Variants in ANO4 observed in about 807,000 individuals in gnomAD.
ANO4 encodes the protein anoctamin-4.
In ANO4, 69 loss-of-function variants were observed where a neutral mutation model predicts 141.9. The observed-to-expected ratio is 0.49, with a 90% CI of 0.40 to 0.59. The LOEUF (loss-of-function observed/expected upper bound fraction) is 0.59, where lower values mean the gene tolerates loss of function less well. Ranked by LOEUF, ANO4 falls within the 20% of genes least tolerant of loss-of-function variation. The probability of loss-of-function intolerance (pLI) is 0.00; values close to 1 mark genes in which losing one functional copy is unlikely to be tolerated. For missense variants in ANO4, 894 were observed against 1,162.2 expected, an observed-to-expected ratio of 0.77 and a Z score of 3.36; for synonymous variants, 350 against 394.3, an observed-to-expected ratio of 0.89 and a Z score of 1.33.
intron 1 of ANO4, among the ~76,000 whole-genome samples, chr12:100,836,776 C>G (rs1306284767): frequency 6.6e-6 from 1 of 152,058 alleles, no homozygotes; most frequent in Non-Finnish European, 1.5e-5. Context: ...AATGATGGCA[C>G]TTGAAGAGAT....
At chr12:100,791,049 A>G (rs566013747), upstream of ANO4, among the ~76,000 whole-genome samples, 11 of 152,302 alleles carry the variant, frequency 7.2e-5, no homozygotes, top group South Asian at 1.9e-3. Flanking sequence ...CTATAGTATT[A>G]TTCTAGTAAG....
chr12:101,079,284 C>T lies in ANO4; in HGVS notation c.1395+9C>T, dbSNP rs759600776. 2 of 1,606,956 alleles carry T rather than the reference C, an allele frequency of 1.2e-6. No individual in the cohort carries two copies. The highest frequency in any genetic ancestry group is 2.2e-5 in the South Asian group (2 of 90,880). ...ACTGGGAAGAAGAGGAGGTTTGTAT[C>T]ATTTACCTCAGAATGTTGTAAAAAG... is the stretch of plus-strand genomic sequence containing the variant. On this transcript the variant is annotated intron_variant, in intron 15 of 27. Coordinates refer to ENST00000392977, the MANE Select transcript of ANO4 (RefSeq NM_001286615.2).
chr12:100,730,313 G>GCT (rs2031329367), intron 1 of ANO4, among the ~76,000 whole-genome samples: 2 of 151,794 alleles, frequency 1.3e-5, no homozygotes. Context: ...CTCCTCCCCT[G>GCT]CCCCCCAAGA....
chr12:100,876,317 G>GAATTGCT (rs1288567489), intron 1 of ANO4, among the ~76,000 whole-genome samples: 1 of 148,976 alleles, frequency 6.7e-6, no homozygotes, highest in African/African-American at 2.5e-5. Flanking sequence ...TATCAAGATG[G>GAATTGCT]AATTGCTAGT....
chr12:101,102,606 A>G (rs1298929634), intron 22 of ANO4, among the ~76,000 whole-genome samples: 1 of 151,878 alleles, frequency 6.6e-6, no homozygotes, highest in African/African-American at 2.4e-5. Context: ...ATTATTTGTC[A>G]GATATATATG....
At chr12:100,911,225 G>A (rs144687056) in intron 2 of ANO4, among the ~76,000 whole-genome samples, 62 of 152,198 alleles carry the variant, frequency 4.1e-4, no homozygotes, top group Non-Finnish European at 7.8e-4. Flanking sequence ...GGGAAACTAA[G>A]GCATGAAGAA....
At chr12:100,764,681 A>T (rs1042488148) in intron 3 of ANO4, among the ~76,000 whole-genome samples, 2 of 152,196 alleles carry the variant, frequency 1.3e-5, no homozygotes, top group African/African-American at 4.8e-5. Context: ...TGTTTGATTA[A>T]ATGATGCTCC....
intron 13 of ANO4, among the ~76,000 whole-genome samples, chr12:101,046,025 A>C (rs1405404393): frequency 6.6e-6 from 1 of 152,220 alleles, no homozygotes; most frequent in Non-Finnish European, 1.5e-5. Flanking sequence ...GGCGTCAGCC[A>C]CTTTGAGTAA....
intron 14 of ANO4, among the ~76,000 whole-genome samples, chr12:101,054,066 A>G (rs1215915178): frequency 3.3e-5 from 5 of 152,338 alleles, no homozygotes; most frequent in Non-Finnish European, 5.9e-5. Flanking sequence ...AAAAGATCCA[A>G]TTTCCAGAAT....
intron 10 of ANO4, chr12:101,038,315 T>A (rs1303075643): frequency 6.6e-6 from 1 of 152,058 alleles, no homozygotes; most frequent in Non-Finnish European, 1.5e-5. Flanking sequence ...CAGAAAAGGG[T>A]TTTGTGAGAA....
chr12:100,811,067 T>G (rs2035399997), intron 1 of ANO4, among the ~76,000 whole-genome samples: 1 of 152,110 alleles, frequency 6.6e-6, no homozygotes. Context: ...GCCTGAGAAT[T>G]TTCAGGAAAT....
At chr12:100,770,781 ATTTT>A (rs10652346) in intron 3 of ANO4, among the ~76,000 whole-genome samples, 34,910 of 131,238 alleles carry the variant, frequency 0.27, 4,407 homozygotes, top group African/African-American at 0.33. Flanking sequence ...CTTGGCTTGA[ATTTT>A]TTTTTTTTTT....
intron 1 of ANO4, among the ~76,000 whole-genome samples, chr12:100,900,063 T>C (rs1454247402): frequency 6.8e-6 from 1 of 146,360 alleles, no homozygotes; most frequent in Non-Finnish European, 1.5e-5. Context: ...TCCTTACAGT[T>C]ACACAATTTT....
intron 1 of ANO4, among the ~76,000 whole-genome samples, chr12:100,801,807 A>G (rs2034713310): frequency 6.6e-6 from 1 of 152,082 alleles, no homozygotes; most frequent in Non-Finnish European, 1.5e-5. Context: ...TTGTGTGGGG[A>G]GATGGGAATG....
At chr12:101,020,565 T>G (rs2136493468) in intron 9 of ANO4, among the ~76,000 whole-genome samples, 1 of 152,164 alleles carries the variant, frequency 6.6e-6, no homozygotes, top group East Asian at 1.9e-4. Context: ...AAGCTGAGAT[T>G]TGATGATGAG....
intron 2 of ANO4, among the ~76,000 whole-genome samples, chr12:100,903,964 A>C (rs1312233161): frequency 1.3e-5 from 2 of 152,184 alleles, no homozygotes; most frequent in African/African-American, 4.8e-5. Flanking sequence ...ATGCTGTTTC[A>C]TGCCTCCCAA....
intron 26 of ANO4, among the ~76,000 whole-genome samples, chr12:101,124,141 C>A (rs1452669298): frequency 6.6e-6 from 1 of 152,176 alleles, no homozygotes; most frequent in Non-Finnish European, 1.5e-5. Flanking sequence ...TGTTTCTGGA[C>A]TTTTAAATAA....
intron 14 of ANO4, among the ~76,000 whole-genome samples, chr12:101,071,430 G>A (rs1333673455): frequency 6.6e-6 from 1 of 151,254 alleles, no homozygotes; most frequent in East Asian, 1.9e-4. Context: ...GCCAGGCACA[G>A]AAAGACAAAC....
At chr12:101,052,123 A>C (rs1018996945) in intron 14 of ANO4, among the ~76,000 whole-genome samples, 1 of 152,146 alleles carries the variant, frequency 6.6e-6, no homozygotes, top group African/African-American at 2.4e-5. Context: ...TGTTCACCGG[A>C]AAAAAATAAT....
Sources: gnomAD v4.1 joint callset for allele counts (sites outside exome capture counted in the v4.1 genomes callset) on GRCh38, gnomAD v4.1.1 for gene constraint, MANE v1.5 for transcripts, NCBI Gene and HGNC (gene_info 2026-07-23, HGNC 2026-07-21) for gene names.